RASA2: variants seen among roughly 807,000 people sequenced by gnomAD.
RASA2 encodes ras GTPase-activating protein 2.
In RASA2, 155 loss-of-function variants were observed where a neutral mutation model predicts 118.2. The observed-to-expected ratio is 1.31, with a 90% CI of 1.15 to 1.50. The LOEUF is 1.50. RASA2 is among the 40% of genes most tolerant of loss of function. The pLI is 0.00. For synonymous variants in RASA2, 353 were observed against 349.1 expected, an observed-to-expected ratio of 1.01 and a Z score of -0.12; for missense variants, 1,016 against 1,009.6, an observed-to-expected ratio of 1.01 and a Z score of -0.09.
intron 1 of RASA2, among the ~76,000 whole-genome samples, chr3:141,494,971 T>C (rs548266347): frequency 6.6e-6 from 1 of 152,224 alleles, no homozygotes; most frequent in Non-Finnish European, 1.5e-5. Flanking sequence ...TTCATCTACT[T>C]ATATAACGTC....
chr3:141,586,811 G>C (rs1400584141), intron 19 of RASA2, 59 bp downstream of exon 19: 1 of 1,361,940 alleles, frequency 7.3e-7, no homozygotes, highest in Non-Finnish European at 1.0e-6. Context: ...AGGTTTCTTT[G>C]CCGCTTATTG....
intron 2 of RASA2, 111 bp from the exon 3 acceptor site, chr3:141,516,216 TA>T (rs1359096863): frequency 3.5e-5 from 25 of 706,726 alleles, no homozygotes; most frequent in Middle Eastern, 6.3e-4. Flanking sequence ...ATATATATAT[TA>T]AAAAAAGAAA....
Position 141,586,096 on chromosome 3 carries a change from A to C in RASA2, c.1824A>C (p.Glu608Asp), listed in dbSNP as rs1430136992. ...SGTSEPVHLKEGEMYKRAQGR... is the reference protein window; with the variant it reads ...SGTSEPVHLKDGEMYKRAQGR... ...CGAGTGAGCCTGTGCACCTGAAAGA[A>C]GGGTAATTTAATCAAATTAGACGTG... Residue 608 changes from glutamate (E) to aspartate (D), a missense_variant and splice_region_variant, in exon 18 of 24, where the codon GAA (glutamate) becomes GAC (aspartate). This residue lies in a region of RASA2 where 896 missense variants were observed against 836.4 expected (regional missense o/e 1.07). Transcript: ENST00000286364. 1.3e-6 allele frequency: 2 copies of C among 1,598,036 alleles called. No homozygotes were observed. Among genetic ancestry groups the C allele is most frequent in the African/African-American group, 2.7e-5 (2 of 74,542 alleles).
intron 9 of RASA2, among the ~76,000 whole-genome samples, chr3:141,565,636 C>T (rs547593213): frequency 1.3e-5 from 2 of 152,302 alleles, no homozygotes; most frequent in Non-Finnish European, 2.9e-5. Flanking sequence ...TAAGACGTCC[C>T]TTTACTCTTC....
At chr3:141,574,238 G>C (rs1224846649) in intron 14 of RASA2, among the ~76,000 whole-genome samples, 171 bp downstream of exon 14, 1 of 151,520 alleles carries the variant, frequency 6.6e-6, no homozygotes, top group Non-Finnish European at 1.5e-5. Context: ...CACCCTGGCT[G>C]GAGTGCAGTG....
chr3:141,591,533 T>G (rs1158720788), intron 19 of RASA2, among the ~76,000 whole-genome samples: 1 of 152,244 alleles, frequency 6.6e-6, no homozygotes, highest in South Asian at 2.1e-4. Context: ...ATAGTAAGTA[T>G]TCTTCAAAGA....
At chr3:141,597,159 G>A (rs2083386592) in intron 19 of RASA2, among the ~76,000 whole-genome samples, 1 of 152,150 alleles carries the variant, frequency 6.6e-6, no homozygotes, top group South Asian at 2.1e-4. Flanking sequence ...CCAGCACTTT[G>A]GGAGGCCAAG....
At chr3:141,593,860 A>G (rs2083322587) in intron 19 of RASA2, among the ~76,000 whole-genome samples, 1 of 152,230 alleles carries the variant, frequency 6.6e-6, no homozygotes, top group African/African-American at 2.4e-5. Context: ...AACTGAATCC[A>G]TAGTTTCTAC....
chr3:141,576,879 GTTCT>G, intron 14 of RASA2, 117 bp from the exon 15 acceptor site: 1 of 517,848 alleles, frequency 1.9e-6, no homozygotes. Flanking sequence ...CATCAACTCA[GTTCT>G]TACTAGACAA....
intron 9 of RASA2, among the ~76,000 whole-genome samples, chr3:141,570,641 A>G (rs542439852): frequency 6.6e-6 from 1 of 152,292 alleles, no homozygotes; most frequent in African/African-American, 2.4e-5. Context: ...CTGCAAGCTA[A>G]TCAAACTCTT....
intron 5 of RASA2, 103 bp downstream of exon 5, chr3:141,540,712 A>G (rs1442498854): frequency 6.3e-6 from 6 of 952,802 alleles, no homozygotes; most frequent in Non-Finnish European, 9.5e-6. Flanking sequence ...ACTTTTTTCA[A>G]AAATGAAATT....
In RASA2 at chr3:141,580,471, A is replaced by G; in HGVS notation, c.1674+20A>G. 1.3e-6 allele frequency: 2 copies of G among 1,550,982 alleles called. No homozygotes were observed. Among genetic ancestry groups the G allele is most frequent in the Non-Finnish European group, 1.8e-6 (2 of 1,130,138 alleles). ...AGCAAGGTAAGTCCTTACATCTTTT[A>G]TTTTGTTTTTACACTTCTAAATGTT... On this transcript the variant is annotated intron_variant, in intron 16 of 23. Coordinates refer to ENST00000286364, the MANE Select transcript of RASA2 (RefSeq NM_006506.5).
intron 19 of RASA2, chr3:141,600,619 G>A: frequency 5.7e-6 from 1 of 176,266 alleles, no homozygotes; most frequent in Non-Finnish European, 1.2e-5. Flanking sequence ...AAGGGCAAGC[G>A]CCGACCCGGA....
At position 141,612,394 on chromosome 3, in the gene RASA2, G is replaced by GT; in HGVS notation, c.*82dup. 3.3e-6 allele frequency: 4 copies of GT among 1,213,266 alleles called. No homozygotes were observed. In the African/African-American group the frequency reaches 4.6e-5, roughly 14 times the overall value. The allele number at this position is 1,213,266 out of a possible 1,614,324, so 75.2% of individuals were successfully genotyped here. A position where few individuals can be genotyped will look rare whatever the true frequency, so the allele number is the denominator to read the frequency against. On this transcript the variant is annotated 3_prime_UTR_variant, in exon 24 of 24. Transcript: ENST00000286364. ...CAATTCATCATGTATTTTGTTCATGGTATTTAAGAATGAGCATCCGCTTCA... is the reference window on the plus strand; with the variant it reads ...CAATTCATCATGTATTTTGTTCATGGTTATTTAAGAATGAGCATCCGCTTCA...
At chr3:141,585,256 C>G (rs753242789) in intron 17 of RASA2, among the ~76,000 whole-genome samples, 71 of 151,922 alleles carry the variant, frequency 4.7e-4, no homozygotes, top group Admixed American at 1.6e-3. Flanking sequence ...AGGGTAGCAC[C>G]CCACAATCAA....
intron 5 of RASA2, among the ~76,000 whole-genome samples, chr3:141,546,710 A>G (rs1368700787): frequency 3.3e-5 from 5 of 151,830 alleles, no homozygotes; most frequent in African/African-American, 7.3e-5. Flanking sequence ...CCATTTGTCT[A>G]TTTTCGCTTT....
intron 1 of RASA2, among the ~76,000 whole-genome samples, chr3:141,493,604 A>T (rs989903091): frequency 4.0e-5 from 6 of 151,338 alleles, no homozygotes; most frequent in African/African-American, 1.5e-4. Flanking sequence ...CTGTGCTATC[A>T]TTTAAAAGGT....
At chr3:141,509,664 A>G (rs942561344) in intron 1 of RASA2, among the ~76,000 whole-genome samples, 2 of 152,228 alleles carry the variant, frequency 1.3e-5, no homozygotes, top group African/African-American at 4.8e-5. Context: ...GAAGAACAAG[A>G]AGGCTGAAAG....
Position 141,516,364 on chromosome 3 carries a change from A to G in RASA2, c.288A>G (p.Pro96=), listed in dbSNP as rs764957763. The G allele has an allele frequency of 3.2e-6, 5 of 1,570,506 alleles. No homozygotes were observed. Among genetic ancestry groups the G allele is most frequent in the Non-Finnish European group, 4.3e-6 (5 of 1,158,810 alleles). ...FFSEEFYFEI[P]RTFQYLSFYV... ...GTGAAGAATTTTACTTTGAGATTCC[A>G]AGAACTTTCCAGTATTTGTCTTTCT... Residue 96 remains proline (P), a synonymous_variant, in exon 3 of 24, where the codon CCA becomes CCG. Transcript: ENST00000286364.
Sources: allele counts gnomAD v4.1 joint callset (sites outside exome capture counted in the v4.1 genomes callset), GRCh38; gene constraint gnomAD v4.1.1; regional missense constraint gnomAD v4.1.1; transcripts MANE v1.5; gene names NCBI Gene and HGNC (gene_info 2026-07-23, HGNC 2026-07-21).